The following ERG variants were observed in gnomAD, a reference collection of about 807,000 sequenced individuals.
The protein encoded by ERG is transcriptional regulator ERG.
In ERG, 9 loss-of-function variants were observed where a neutral mutation model predicts 55.3. The observed-to-expected ratio is 0.16, with a 90% confidence interval of 0.10 to 0.28. The LOEUF is 0.28. Among genes scored for constraint, ERG ranks in the 10% least tolerant of loss-of-function variants. ERG has a pLI of 1.00. For missense variants in ERG, 434 were observed against 631.6 expected (o/e 0.69, Z 3.35); for synonymous variants, 223 against 237.3 (o/e 0.94, Z 0.55).
intron 6 of ERG, among the ~76,000 whole-genome samples, chr21:38,393,623 C>T (rs745969348): frequency 6.6e-6 from 1 of 152,144 alleles, no homozygotes; most frequent in African/African-American, 2.4e-5. Context: ...TTAAAACCAG[C>T]AATTTGATGG....
At chr21:38,377,634 T>A (rs2146401078), downstream of ERG, among the ~76,000 whole-genome samples, 1 of 152,376 alleles carries the variant, frequency 6.6e-6, no homozygotes, top group Non-Finnish European at 1.5e-5. Flanking sequence ...CTTTACAGAA[T>A]GGTTCGTGAC....
intron 1 of ERG, among the ~76,000 whole-genome samples, chr21:38,635,320 CATA>C (rs1365533718): frequency 6.6e-6 from 1 of 151,988 alleles, no homozygotes; most frequent in Non-Finnish European, 1.5e-5. Flanking sequence ...TGTCAAAACC[CATA>C]AAACATACAA....
chr21:38,519,605 G>A (rs539969439), intron 2 of ERG, among the ~76,000 whole-genome samples: 2 of 152,278 alleles, frequency 1.3e-5, no homozygotes, highest in Admixed American at 6.5e-5. Flanking sequence ...TGATGTAGTC[G>A]ACAGAAGTCA....
chr21:38,382,187 C>G lies in ERG; in HGVS notation c.*1216G>C. On this transcript the variant is annotated 3_prime_UTR_variant, in exon 10 of 10. Transcript: ENST00000288319. ...TCGTGTGTCTTTGGCTGGCCGAGATCAACTCGTAGTGTATAAATGCATAAG... is the reference window on the plus strand; with the variant it reads ...TCGTGTGTCTTTGGCTGGCCGAGATGAACTCGTAGTGTATAAATGCATAAG... 9.5e-7 allele frequency: 1 copy of G among 1,050,978 alleles called. No individual in the cohort carries two copies. The highest frequency in any genetic ancestry group is 1.1e-6 in the Non-Finnish European group (1 of 869,914). The allele number at this position is 1,050,978 out of a possible 1,614,324, so 65.1% of individuals were successfully genotyped here. A position where few individuals can be genotyped will look rare whatever the true frequency, so the allele number is the denominator to read the frequency against.
chr21:38,597,473 A>ACACACACACACC (rs1491180419), intron 1 of ERG, among the ~76,000 whole-genome samples: 1 of 1,142 alleles, frequency 8.8e-4, no homozygotes, highest in Non-Finnish European at 0.011. Context: ...ATATATATCT[A>ACACACACACACC]CACACACACA....
intron 2 of ERG, among the ~76,000 whole-genome samples, chr21:38,554,572 C>T (rs1207542565): frequency 6.6e-6 from 1 of 152,032 alleles, no homozygotes; most frequent in Non-Finnish European, 1.5e-5. Flanking sequence ...AACACAGGAG[C>T]GGAAAACCAA....
intron 2 of ERG, among the ~76,000 whole-genome samples, chr21:38,568,314 T>C (rs2059935961): frequency 6.6e-6 from 1 of 152,252 alleles, no homozygotes; most frequent in African/African-American, 2.4e-5. Flanking sequence ...CGTAATGTGA[T>C]GTGATAATAA....
intron 1 of ERG, among the ~76,000 whole-genome samples, chr21:38,594,427 A>G (rs1222860551): frequency 6.6e-6 from 1 of 152,120 alleles, no homozygotes; most frequent in Non-Finnish European, 1.5e-5. Flanking sequence ...TTTTCCATGG[A>G]CTCCATCATC....
chr21:38,376,355 G>A (rs1241926154), downstream of ERG, among the ~76,000 whole-genome samples: 4 of 152,298 alleles, frequency 2.6e-5, no homozygotes, highest in South Asian at 6.2e-4. Context: ...CGGACACTCA[G>A]TTGTTACTCT....
intron 1 of ERG, among the ~76,000 whole-genome samples, chr21:38,579,100 G>A (rs1048640057): frequency 3.3e-5 from 5 of 152,138 alleles, no homozygotes; most frequent in Non-Finnish European, 7.3e-5. Context: ...GATTCCCAGA[G>A]CCCTTCCCAG....
rs111452515 is a variant in ERG at position 38,575,133 on chromosome 21, C to T, written c.-41+529G>A. Among the ~76,000 whole-genome samples, 426 of 152,264 alleles carry T rather than the reference C, an allele frequency of 2.8e-3. 2 individuals carry two copies. Among genetic ancestry groups the T allele is most frequent in the African/African-American group, 9.3e-3 (387 of 41,542 alleles). ...CCAGGGCAGGTGTGAGGTGATGGAG[C>T]GCTGAGTGTCGGCGAGCCCAGATAA... On this transcript the variant is annotated intron_variant, in intron 2 of 8. Coordinates refer to the ERG transcript ENST00000398897.
rs1382745996 is a variant in ERG at position 38,382,750 on chromosome 21, A to T, written c.*653T>A. ...TCACTCTATACACATCCTCAGTCCC[A>T]CCTTTTAGTTCATAGTCCCGGTAAT... On this transcript the variant is annotated 3_prime_UTR_variant, in exon 10 of 10. Transcript: ENST00000288319. The T allele has an allele frequency of 1.4e-5, 15 of 1,066,052 alleles. No homozygotes were observed. Among genetic ancestry groups the T allele is most frequent in the Non-Finnish European group, 1.7e-5 (15 of 879,642 alleles). The allele number at this position is 1,066,052 out of a possible 1,614,324, so 66.0% of individuals were successfully genotyped here.
intron 2 of ERG, among the ~76,000 whole-genome samples, chr21:38,444,201 CATT>C (rs2058868178): frequency 6.6e-6 from 1 of 152,178 alleles, no homozygotes; most frequent in Admixed American, 6.5e-5. Context: ...AAAAAGGCCC[CATT>C]ACAGCTTCAA....
At chr21:38,631,655 T>C (rs1371710653) in intron 1 of ERG, among the ~76,000 whole-genome samples, 3 of 152,142 alleles carry the variant, frequency 2.0e-5, no homozygotes, top group Non-Finnish European at 4.4e-5. Flanking sequence ...CATTACTGTG[T>C]GCACACCTGA....
Position 38,460,263 on chromosome 21 carries a change from G to A in ERG, c.19-14642C>T, listed in dbSNP as rs2059029371. ...CCAGGAGGTGAACCAGGAAAGGCTG[G>A]GGGTGGTAGAGCCTTGCAGGCCATG... On this transcript the variant is annotated intron_variant, in intron 1 of 9. Transcript: ENST00000288319. This position sits in a 1 kb window ranked among gnomAD's most constrained non-coding sequence, Gnocchi z 5.0. Among the ~76,000 whole-genome samples, 1 of 152,148 alleles carries A rather than the reference G, an allele frequency of 6.6e-6. No individual in the cohort carries two copies. Among genetic ancestry groups the A allele is most frequent in the African/African-American group, 2.4e-5 (1 of 41,426 alleles).
intron 1 of ERG, among the ~76,000 whole-genome samples, chr21:38,646,588 G>C (rs1345651003): frequency 6.6e-6 from 1 of 152,140 alleles, no homozygotes; most frequent in Non-Finnish European, 1.5e-5. Flanking sequence ...CTCTGCTTAA[G>C]TGATCCTGTC....
intron 2 of ERG, among the ~76,000 whole-genome samples, chr21:38,436,082 C>T (rs983998670): frequency 7.5e-5 from 11 of 146,292 alleles, no homozygotes; most frequent in Non-Finnish European, 1.0e-4. Flanking sequence ...TGCAATGGCG[C>T]GATCTCAGCT....
intron 5 of ERG, 46 bp downstream of exon 5, chr21:38,402,511 A>T: frequency 6.9e-7 from 1 of 1,456,966 alleles, no homozygotes. Flanking sequence ...ACCTGTACGT[A>T]AGACCCTACG....
At chr21:38,594,734 A>C (rs775545773) in intron 1 of ERG, among the ~76,000 whole-genome samples, 51 of 152,244 alleles carry the variant, frequency 3.3e-4, no homozygotes, top group Non-Finnish European at 6.5e-4. Flanking sequence ...GTCAGAGAGG[A>C]AGGCAATCCA....
Sources: allele counts gnomAD v4.1 joint callset (sites outside exome capture counted in the v4.1 genomes callset), GRCh38; gene constraint gnomAD v4.1.1; non-coding constraint Gnocchi (gnomAD v3.1); transcripts MANE v1.5; gene names NCBI Gene and HGNC (gene_info 2026-07-23, HGNC 2026-07-21).